EFR3A: variants seen among roughly 807,000 people sequenced by gnomAD.
The protein encoded by EFR3A is protein EFR3 homolog A.
In EFR3A, 76 loss-of-function variants were observed where a neutral mutation model predicts 104.4. That is an observed-to-expected ratio of 0.73 (90% CI 0.60 to 0.88). The LOEUF (loss-of-function observed/expected upper bound fraction) is 0.88. EFR3A is among the 40% of genes least tolerant of loss of function. EFR3A has a pLI of 0.00. For missense variants in EFR3A, 985 were observed against 1,012.5 expected, an observed-to-expected ratio of 0.97 and a Z score of 0.37; for synonymous variants, 330 against 330.0, an observed-to-expected ratio of 1.00 and a Z score of 0.00.
chr8:131,952,156 C>CCAT (rs1818735930), intron 5 of EFR3A, among the ~76,000 whole-genome samples: 1 of 152,108 alleles, frequency 6.6e-6, no homozygotes, highest in Non-Finnish European at 1.5e-5. Flanking sequence ...ACCACCACCA[C>CCAT]CATCATTGTC....
chr8:131,964,748 C>T (rs529472945), intron 8 of EFR3A, among the ~76,000 whole-genome samples: 30 of 152,178 alleles, frequency 2.0e-4, no homozygotes, highest in African/African-American at 6.7e-4. Flanking sequence ...AAAAAGAGCC[C>T]GCATTGCCAA....
intron 9 of EFR3A, among the ~76,000 whole-genome samples, chr8:131,970,077 T>G (rs1359119012): frequency 6.6e-6 from 1 of 152,210 alleles, no homozygotes; most frequent in Non-Finnish European, 1.5e-5. Context: ...AATAAATATT[T>G]GATGCTTCTG....
rs563791523 is a variant in EFR3A, at chr8:131,970,928, T to TCTCC, written c.1159+288_1159+289insCCTC. ...CCTGCATCTCTTCCTCCCTTCTCTC[T>TCTCC]CTCTCTGTTTCTTTCTCTCCCTATG... On this transcript the variant is annotated intron_variant, in intron 10 of 22. Transcript: ENST00000254624. Among the ~76,000 whole-genome samples the TCTCC allele has an allele frequency of 1.8e-3, 277 of 152,258 alleles. 2 individuals carry two copies. The highest frequency in any genetic ancestry group is 6.5e-3 in the African/African-American group (269 of 41,552).
At chr8:132,002,159 T>C (rs912138192) in intron 20 of EFR3A, among the ~76,000 whole-genome samples, 6 of 152,328 alleles carry the variant, frequency 3.9e-5, no homozygotes, top group Admixed American at 2.6e-4. Context: ...AACAACATGG[T>C]TCCAAATGAC....
At chr8:131,911,171 T>C (rs1477791879) in intron 1 of EFR3A, among the ~76,000 whole-genome samples, 1 of 152,130 alleles carries the variant, frequency 6.6e-6, no homozygotes, top group Non-Finnish European at 1.5e-5. Context: ...ACAGTGGCAG[T>C]TCTCTGAGAA....
intron 1 of EFR3A, among the ~76,000 whole-genome samples, chr8:131,930,286 G>A (rs929213460): frequency 6.6e-6 from 1 of 151,872 alleles, no homozygotes; most frequent in African/African-American, 2.4e-5. Flanking sequence ...TTTCCAGACT[G>A]ACGAGTAAAA....
chr8:131,965,637 G>A (rs1431900114), intron 8 of EFR3A, among the ~76,000 whole-genome samples: 2 of 152,180 alleles, frequency 1.3e-5, no homozygotes, highest in Non-Finnish European at 2.9e-5. Flanking sequence ...TTCAACCATT[G>A]TGGAAGGCAG....
chr8:131,964,115 A>G (rs1390168297), intron 8 of EFR3A, among the ~76,000 whole-genome samples: 2 of 152,190 alleles, frequency 1.3e-5, no homozygotes, highest in African/African-American at 4.8e-5. Context: ...AGCCAATATC[A>G]TACTGAATGG....
intron 22 of EFR3A, among the ~76,000 whole-genome samples, chr8:132,008,553 TAAAAG>T (rs1822157949): frequency 1.3e-5 from 2 of 151,900 alleles, no homozygotes; most frequent in Non-Finnish European, 2.9e-5. Context: ...AAATCAGACA[TAAAAG>T]AAGACAGTTT....
intron 1 of EFR3A, among the ~76,000 whole-genome samples, chr8:131,938,995 A>G (rs1009645714): frequency 1.1e-4 from 16 of 152,106 alleles, no homozygotes; most frequent in African/African-American, 3.6e-4. Flanking sequence ...AACCATATGT[A>G]AAATTTATTG....
At chr8:132,002,555 G>A (rs749869961) in intron 20 of EFR3A, 48 bp from the exon 21 acceptor site, 21 of 1,492,330 alleles carry the variant, frequency 1.4e-5, no homozygotes, top group Non-Finnish European at 1.9e-5. Flanking sequence ...ACTGGGTTCT[G>A]TGAAATTATG....
rs188019809 is a variant in EFR3A, at chr8:131,983,014, A to G, written c.1576-1125A>G. ...AGTCAGTCATTGTCACAGCTGGAGAACTATAGGCCTCCTTACGGGGATGGG... is the reference window on the plus strand; with the variant it reads ...AGTCAGTCATTGTCACAGCTGGAGAGCTATAGGCCTCCTTACGGGGATGGG... On this transcript the variant is annotated intron_variant, in intron 14 of 22. Coordinates refer to ENST00000254624, the MANE Select transcript of EFR3A (RefSeq NM_015137.6). 1.2e-3 allele frequency among the ~76,000 whole-genome samples: 176 copies of G among 152,304 alleles called. 1 individual carries two copies. Among genetic ancestry groups the G allele is most frequent in the African/African-American group, 4.0e-3 (165 of 41,578 alleles).
intron 2 of EFR3A, 29 bp from the exon 3 acceptor site, chr8:131,944,716 T>C: frequency 6.5e-7 from 1 of 1,526,820 alleles, no homozygotes; most frequent in South Asian, 1.3e-5. Flanking sequence ...AAAATATAGA[T>C]AATCTATTTA....
intron 4 of EFR3A, 105 bp downstream of exon 4, chr8:131,946,738 G>T: frequency 9.0e-7 from 1 of 1,109,336 alleles, no homozygotes. Flanking sequence ...CCCTGAATAG[G>T]GCATTTGAAC....
chr8:131,910,726 G>A (rs905332010), intron 1 of EFR3A, among the ~76,000 whole-genome samples: 1 of 152,164 alleles, frequency 6.6e-6, no homozygotes, highest in African/African-American at 2.4e-5. Context: ...TGATTTTTAG[G>A]ATGAAACCAC....
chr8:131,966,972 A>G (rs1328500886), intron 8 of EFR3A, among the ~76,000 whole-genome samples: 2 of 152,158 alleles, frequency 1.3e-5, no homozygotes, highest in Non-Finnish European at 2.9e-5. Flanking sequence ...TGGTTTGCTT[A>G]GTATAGTCGT....
chr8:131,973,925 A>G (rs188266030), intron 10 of EFR3A, among the ~76,000 whole-genome samples: 16 of 152,206 alleles, frequency 1.1e-4, no homozygotes, highest in Non-Finnish European at 1.9e-4. Context: ...AAGCAATTCT[A>G]AAGCATATAT....
chr8:132,006,809 T>A (rs929884563), intron 22 of EFR3A, among the ~76,000 whole-genome samples: 1 of 151,912 alleles, frequency 6.6e-6, no homozygotes, highest in Admixed American at 6.6e-5. Flanking sequence ...TGATATGGCC[T>A]AAATAAATGG....
At position 131,986,271 on chromosome 8, in the gene EFR3A, T is replaced by G; in HGVS notation, c.1937+10T>G. Reference sequence around the variant, plus strand: ...TCAGAGATAAGTGCATGTATGTTAATTCTTTACATTTTAAGGATGGGGTAC... The same window carrying G: ...TCAGAGATAAGTGCATGTATGTTAAGTCTTTACATTTTAAGGATGGGGTAC... On this transcript the variant is annotated intron_variant, in intron 17 of 22. Coordinates refer to ENST00000254624, the MANE Select transcript of EFR3A (RefSeq NM_015137.6). 1 of 1,469,822 alleles carries G rather than the reference T, an allele frequency of 6.8e-7. No individual in the cohort carries two copies. Among genetic ancestry groups the G allele is most frequent in the Non-Finnish European group, 9.4e-7 (1 of 1,058,486 alleles). The allele number at this position is 1,469,822 out of a possible 1,614,324, so 91.0% of individuals were successfully genotyped here.
Sources: allele counts gnomAD v4.1 joint callset (sites outside exome capture counted in the v4.1 genomes callset), GRCh38; gene constraint gnomAD v4.1.1; transcripts MANE v1.5; gene names NCBI Gene and HGNC (gene_info 2026-07-23, HGNC 2026-07-21).